SORCS1: variants seen among roughly 807,000 people sequenced by gnomAD.
SORCS1 encodes the protein VPS10 domain-containing receptor SorCS1.
SORCS1 carries 60 observed loss-of-function variants against 146.1 expected under a neutral mutation model. The observed-to-expected ratio is 0.41, with a 90% confidence interval of 0.33 to 0.51. The LOEUF (loss-of-function observed/expected upper bound fraction) is 0.51, where lower values mean the gene tolerates loss of function less well. Ranked by LOEUF, SORCS1 falls within the 20% of genes least tolerant of loss-of-function variation. The probability of loss-of-function intolerance (pLI) is 0.21; values close to 1 mark genes in which losing one functional copy is unlikely to be tolerated. For missense variants in SORCS1, 1,352 were observed against 1,487.6 expected (o/e 0.91, Z 1.50); for synonymous variants, 637 against 584.0 (o/e 1.09, Z -1.31).
the SORCS1 span, among the ~76,000 whole-genome samples, chr10:107,170,215 A>G: frequency 1.3e-5 from 2 of 152,220 alleles, no homozygotes; most frequent in African/African-American, 4.8e-5. Context: ...TGTAAGTCTA[A>G]TATAAAAAGG....
intron 5 of SORCS1, among the ~76,000 whole-genome samples, chr10:106,743,583 C>T (rs550330603): frequency 8.5e-5 from 13 of 152,162 alleles, no homozygotes; most frequent in Non-Finnish European, 1.3e-4. Flanking sequence ...TACCACCGTG[C>T]CTGGCTAATT....
chr10:106,732,122 C>T (rs1440793176), intron 5 of SORCS1, among the ~76,000 whole-genome samples: 1 of 152,200 alleles, frequency 6.6e-6, no homozygotes, highest in African/African-American at 2.4e-5. Flanking sequence ...CCTGTTATCG[C>T]TGTCAATAAG....
At chr10:106,703,353 CTAA>C (rs1040214445) in intron 8 of SORCS1, among the ~76,000 whole-genome samples, 3 of 152,104 alleles carry the variant, frequency 2.0e-5, no homozygotes, top group Non-Finnish European at 4.4e-5. Context: ...TAGATCCATA[CTAA>C]TAATAATATT....
rs529204172 is a variant in SORCS1 at position 106,618,605 on chromosome 10, A to G, written c.2797-333T>C. Among the ~76,000 whole-genome samples, 5 of 152,326 alleles carry G rather than the reference A, an allele frequency of 3.3e-5. No homozygotes were observed. In the South Asian group the frequency reaches 6.2e-4, roughly 19 times the overall value. On this transcript the variant is annotated intron_variant, in intron 20 of 25. Coordinates refer to ENST00000263054, the MANE Select transcript of SORCS1 (RefSeq NM_052918.5). ...TACTCATATCAAGCAGATCCCTAAT[A>G]CAAGGAAATGATCAAAGCAAATGAG...
At chr10:106,764,465 T>C (rs1318877911) in intron 4 of SORCS1, among the ~76,000 whole-genome samples, 5 of 152,224 alleles carry the variant, frequency 3.3e-5, no homozygotes, top group African/African-American at 1.2e-4. Flanking sequence ...CAATGTCCTT[T>C]AATAAAATTC....
At chr10:107,040,744 C>A (rs549023323) in intron 1 of SORCS1, among the ~76,000 whole-genome samples, 2 of 152,226 alleles carry the variant, frequency 1.3e-5, no homozygotes, top group South Asian at 4.2e-4. Context: ...TAGTACCTGG[C>A]AGAGTAGCCA....
At chr10:106,991,097 C>G (rs1564897388) in intron 1 of SORCS1, among the ~76,000 whole-genome samples, 3 of 152,166 alleles carry the variant, frequency 2.0e-5, no homozygotes, top group Admixed American at 6.5e-5. Flanking sequence ...TGCTTATGTT[C>G]ACCCATTTGT....
At chr10:106,967,852 T>C (rs1412415346) in intron 1 of SORCS1, among the ~76,000 whole-genome samples, 1 of 151,740 alleles carries the variant, frequency 6.6e-6, no homozygotes, top group Non-Finnish European at 1.5e-5. Flanking sequence ...TTTAGAGCTG[T>C]AAAACAATAA....
intron 2 of SORCS1, among the ~76,000 whole-genome samples, chr10:106,918,873 GT>G (rs1952570997): frequency 6.6e-6 from 1 of 151,876 alleles, no homozygotes; most frequent in Non-Finnish European, 1.5e-5. Flanking sequence ...GTATCATTCT[GT>G]TGCTCAGGCT....
At chr10:107,172,651 T>C in the SORCS1 span, among the ~76,000 whole-genome samples, 23 of 152,324 alleles carry the variant, frequency 1.5e-4, no homozygotes, top group African/African-American at 5.3e-4. Context: ...AAGACAGTGT[T>C]TCTTGAATGA....
At chr10:106,927,157 C>T (rs10786992) in intron 2 of SORCS1, among the ~76,000 whole-genome samples, 79,403 of 151,872 alleles carry the variant, frequency 0.52, 22,364 homozygotes, top group Non-Finnish European at 0.63. Context: ...CTTGGTCTCA[C>T]TGACTTCAAG....
intron 1 of SORCS1, among the ~76,000 whole-genome samples, chr10:107,057,236 CATAAA>C (rs149597252): frequency 0.014 from 2,097 of 152,244 alleles, 19 homozygotes; most frequent in Non-Finnish European, 0.022. Context: ...AAAAATTATT[CATAAA>C]ATGAGTTTCT....
intron 3 of SORCS1, among the ~76,000 whole-genome samples, chr10:106,807,732 G>T (rs187781085): frequency 1.3e-5 from 2 of 152,324 alleles, no homozygotes; most frequent in East Asian, 1.9e-4. Context: ...TCTCTGCCAA[G>T]AATACAGCAG....
At chr10:106,812,958 TGTA>T (rs150392584) in intron 3 of SORCS1, among the ~76,000 whole-genome samples, 5,213 of 152,104 alleles carry the variant, frequency 0.034, 113 homozygotes, top group African/African-American at 0.062. Flanking sequence ...CATGCAATAA[TGTA>T]GTGACCATTT....
At chr10:106,642,663 A>G (rs1849151560) in intron 18 of SORCS1, among the ~76,000 whole-genome samples, 1 of 152,014 alleles carries the variant, frequency 6.6e-6, no homozygotes, top group Non-Finnish European at 1.5e-5. Context: ...CTCTGAAGAA[A>G]TACACGTATT....
rs1850796654 is a variant in SORCS1 at position 106,662,366 on chromosome 10, A to G, written c.2303+5323T>C. 2.0e-5 allele frequency among the ~76,000 whole-genome samples: 3 copies of G among 152,032 alleles called. 1 individual carries two copies. The South Asian group carries it at 6.3e-4, about 32-fold the overall frequency. ...TGATTTCCTGCATGCTTCCAAATAA[A>G]CTCTCAGAAAGGTGATGCTGGGAGG... On this transcript the variant is annotated intron_variant, in intron 17 of 25. Transcript: ENST00000263054.
chr10:106,874,689 G>A (rs1401000102), intron 2 of SORCS1, among the ~76,000 whole-genome samples: 2 of 152,188 alleles, frequency 1.3e-5, no homozygotes, highest in Non-Finnish European at 2.9e-5. Context: ...GCTGTGCACT[G>A]GAAACAGAAC....
chr10:107,153,515 T>C (rs1390776990), intron 1 of SORCS1, among the ~76,000 whole-genome samples: 1 of 152,236 alleles, frequency 6.6e-6, no homozygotes, highest in Non-Finnish European at 1.5e-5. Flanking sequence ...GAAACTACCA[T>C]GGATCATTCT....
At chr10:106,670,950 T>C (rs1315704084) in intron 16 of SORCS1, among the ~76,000 whole-genome samples, 1 of 151,980 alleles carries the variant, frequency 6.6e-6, no homozygotes, top group Non-Finnish European at 1.5e-5. Context: ...CCACTCAGCC[T>C]CCCAAAGTGC....
Sources: gnomAD v4.1 joint callset for allele counts (sites outside exome capture counted in the v4.1 genomes callset) on GRCh38, gnomAD v4.1.1 for gene constraint, MANE v1.5 for transcripts, NCBI Gene and HGNC (gene_info 2026-07-23, HGNC 2026-07-21) for gene names.